The following IFT140 variants were observed in gnomAD, a reference collection of about 807,000 sequenced individuals.
IFT140 encodes the protein intraflagellar transport 140.
Under a neutral mutation model 164.6 loss-of-function variants are expected in IFT140, and 133 were observed. That is an observed-to-expected ratio of 0.81 (90% CI 0.70 to 0.93). The LOEUF (loss-of-function observed/expected upper bound fraction) is 0.93, where lower values mean the gene tolerates loss of function less well. Among genes scored for constraint, IFT140 ranks in the 40% least tolerant of loss-of-function variants. IFT140 has a pLI of 0.00. For missense variants in IFT140, 2,045 were observed against 1,972.3 expected (o/e 1.04, Z -0.70); for synonymous variants, 860 against 817.3 (o/e 1.05, Z -0.89).
intron 19 of IFT140, chr16:1,541,827 GAGGCAAAC>G: frequency 7.0e-7 from 1 of 1,430,032 alleles, no homozygotes; most frequent in Non-Finnish European, 9.3e-7. Flanking sequence ...CGCCCTTTCC[GAGGCAAAC>G]AGAGACCACG....
intron 11 of IFT140, 110 bp from the exon 12 acceptor site, chr16:1,583,496 C>G: frequency 3.8e-6 from 3 of 787,828 alleles, no homozygotes; most frequent in Non-Finnish European, 6.4e-6. Flanking sequence ...AACACTGCTG[C>G]TCCATCATCC....
At position 1,523,975 on chromosome 16, in the gene IFT140, G is replaced by C; in HGVS notation, c.3142-19C>G. ...CGTTCTCCTGCAGGGAGGGAGGCAG[G>C]GCCCTGAAGCGGCTCCCACTGGCTT... On this transcript the variant is annotated intron_variant, in intron 24 of 30. Coordinates refer to ENST00000426508, the MANE Select transcript of IFT140 (RefSeq NM_014714.4). 6.2e-7 allele frequency: 1 copy of C among 1,607,400 alleles called. No homozygotes were observed.
chr16:1,548,938 CA>C (rs1411021800), intron 19 of IFT140, among the ~76,000 whole-genome samples: 1 of 152,244 alleles, frequency 6.6e-6, no homozygotes, highest in African/African-American at 2.4e-5. Flanking sequence ...TCCCTCATGC[CA>C]GGCATCTGTT....
At chr16:1,589,918 C>A in intron 6 of IFT140, 138 bp from the exon 7 acceptor site, 2 of 745,718 alleles carry the variant, frequency 2.7e-6, no homozygotes, top group South Asian at 2.1e-5. Flanking sequence ...AAAAATGGGC[C>A]GGGCAAAGTG....
At chr16:1,577,679 TC>T (rs1473919875) in intron 13 of IFT140, 1 of 151,874 alleles carries the variant, frequency 6.6e-6, no homozygotes, top group African/African-American at 2.4e-5. Flanking sequence ...CATGGTGAAA[TC>T]CCGTCTCTAC....
intron 4 of IFT140, among the ~76,000 whole-genome samples, chr16:1,595,288 TAAACAAAC>T (rs548828185): frequency 5.0e-5 from 7 of 140,678 alleles, no homozygotes; most frequent in African/African-American, 8.0e-5. Flanking sequence ...TCGTCTCAAA[TAAACAAAC>T]AAACAAACAA....
chr16:1,532,204 GC>G (rs2030573113), intron 19 of IFT140: 1 of 152,284 alleles, frequency 6.6e-6, no homozygotes, highest in Admixed American at 6.5e-5. Context: ...TGCCCCGCAC[GC>G]CCCGTCAGGT....
intron 4 of IFT140, among the ~76,000 whole-genome samples, chr16:1,597,230 G>A (rs773836232): frequency 5.3e-5 from 8 of 152,176 alleles, no homozygotes; most frequent in East Asian, 1.9e-4. Flanking sequence ...GGCCTGGCCC[G>A]TCTAACGTGC....
rs1005828606 is a variant in IFT140, at chr16:1,583,458, C to A, written c.1360-72G>T. 9.1e-6 allele frequency: 11 copies of A among 1,209,200 alleles called. No individual in the cohort carries two copies. The African/African-American group carries it at 1.5e-4, about 16-fold the overall frequency. The allele number at this position is 1,209,200 out of a possible 1,614,324, so 74.9% of individuals were successfully genotyped here. ...GTGCAACTGTACACCCCACTGCACA[C>A]CTCGAAAGCCTCCTCTAAACACTTC... On this transcript the variant is annotated intron_variant, in intron 11 of 30. Coordinates refer to ENST00000426508, the MANE Select transcript of IFT140 (RefSeq NM_014714.4).
intron 17 of IFT140, among the ~76,000 whole-genome samples, 162 bp from the exon 18 acceptor site, chr16:1,562,278 T>C (rs1255551511): frequency 6.6e-6 from 1 of 152,070 alleles, no homozygotes; most frequent in Non-Finnish European, 1.5e-5. Flanking sequence ...CACCACCTTT[T>C]ATCTGCTCCA....
At chr16:1,557,566 C>A (rs2033168311) in intron 19 of IFT140, 3 of 205,542 alleles carry the variant, frequency 1.5e-5, no homozygotes, top group Admixed American at 5.5e-5. Flanking sequence ...TGATTGATAC[C>A]CTCTTTCAGA....
chr16:1,526,184 G>A, intron 20 of IFT140, 107 bp from the exon 21 acceptor site: 1 of 1,076,846 alleles, frequency 9.3e-7, no homozygotes, highest in South Asian at 1.5e-5. Flanking sequence ...ACACCGCCAA[G>A]CACACTGACA....
chr16:1,558,000 G>A lies in IFT140; in HGVS notation c.2334C>T (p.His778=), dbSNP rs774009074. The A allele has an allele frequency of 7.4e-6, 12 of 1,613,858 alleles. No homozygotes were observed. The Admixed American group carries it at 1.2e-4, about 16-fold the overall frequency. The change falls in exon 19 of 31, where the codon CAC becomes CAT. Residue 778 remains histidine, a synonymous_variant. Transcript: ENST00000426508. ...CDKATRDAML[H]FSFFVTIGDM... is the part of the protein sequence containing the mutation. ...CTCCTATGGTGACAAAGAAGCTGAAGTGGAGCATGGCGTCCCGGGTGGCCT... is the reference window on the plus strand; with the variant it reads ...CTCCTATGGTGACAAAGAAGCTGAAATGGAGCATGGCGTCCCGGGTGGCCT...
intron 14 of IFT140, among the ~76,000 whole-genome samples, chr16:1,569,162 G>A (rs997734958): frequency 9.9e-5 from 15 of 151,934 alleles, no homozygotes; most frequent in South Asian, 2.1e-4. Context: ...CCGCCACCGC[G>A]CCCGGCTAAT....
rs768379591 is a variant in IFT140 at position 1,534,252 on chromosome 16, T to G, written c.2400-7456A>C. On this transcript the variant is annotated intron_variant, in intron 19 of 30. Transcript: ENST00000426508. The stretch of plus-strand genomic sequence containing the variant: ...GGACTGGGACTTGGCTTTCTCCGGA[T>G]AAGCGGCGGCACCGGCGTCAGCGAT... 4 of 1,607,440 alleles carry G rather than the reference T, an allele frequency of 2.5e-6. No homozygotes were observed. In the Admixed American group the frequency reaches 6.8e-5, roughly 27 times the overall value.
At chr16:1,611,490 C>CA (rs150781872) in intron 1 of IFT140, among the ~76,000 whole-genome samples, 9,705 of 86,512 alleles carry the variant, frequency 0.11, 491 homozygotes, top group African/African-American at 0.19. Flanking sequence ...CAGAGCGAGT[C>CA]AAAAAAAAAA....
chr16:1,553,366 G>T lies in IFT140; in HGVS notation c.2399+4569C>A, dbSNP rs147336304. 3.2e-4 allele frequency: 314 copies of T among 985,368 alleles called. No individual in the cohort carries two copies. The African/African-American group carries it at 5.0e-3, about 16-fold the overall frequency. 61.0% of individuals were successfully genotyped at this position (985,368 alleles called of 1,614,324 possible). A position where few individuals can be genotyped will look rare whatever the true frequency, so the allele number is the denominator to read the frequency against. On this transcript the variant is annotated intron_variant, in intron 19 of 30. Transcript: ENST00000426508. This position sits in a 1 kb window ranked among gnomAD's most constrained non-coding sequence, Gnocchi z 4.4. ...TCTCCCATCCTCTCTCGATGCTGGGGCCACACAGGGCAGGGCATGATTTGG... is the reference window on the plus strand; with the variant it reads ...TCTCCCATCCTCTCTCGATGCTGGGTCCACACAGGGCAGGGCATGATTTGG...
In IFT140 at chr16:1,511,118, C is replaced by T. The variant is rs1388192940; in HGVS notation, c.4215G>A (p.Arg1405=). Residue 1405 remains arginine, a synonymous_variant, in exon 31 of 31, where the codon CGG becomes CGA. Coordinates refer to ENST00000426508, the MANE Select transcript of IFT140 (RefSeq NM_014714.4). ...AGTAGGACATGTTGGCCAAGGGAAG[C>T]CGCCGCCGCATCTCCTCCAGGAATC... ...AYRFLEEMRR[R]LPLANMSYYV... 4 of 1,608,940 alleles carry T rather than the reference C, an allele frequency of 2.5e-6. No homozygotes were observed. The highest frequency in any genetic ancestry group is 3.4e-6 in the Non-Finnish European group (4 of 1,178,560).
chr16:1,535,912 G>C (rs2141246893), intron 19 of IFT140, among the ~76,000 whole-genome samples: 1 of 152,376 alleles, frequency 6.6e-6, no homozygotes, highest in Middle Eastern at 3.4e-3. Context: ...CGAGGCTTGG[G>C]TCTCCGCGTG....
Sources: allele counts gnomAD v4.1 joint callset (sites outside exome capture counted in the v4.1 genomes callset), GRCh38; gene constraint gnomAD v4.1.1; non-coding constraint Gnocchi (gnomAD v3.1); transcripts MANE v1.5; gene names NCBI Gene and HGNC (gene_info 2026-07-23, HGNC 2026-07-21).